The following CDH4 variants were observed in gnomAD, a reference collection of about 807,000 sequenced individuals.
The protein encoded by CDH4 is cadherin 4.
In CDH4, 33 loss-of-function variants were observed where a neutral mutation model predicts 86.0. The ratio of observed to expected loss-of-function variants is 0.38; its 90% CI spans 0.29 to 0.51. CDH4 has a LOEUF of 0.51. Among genes scored for constraint, CDH4 ranks in the 20% least tolerant of loss-of-function variants. The pLI, the probability that CDH4 is intolerant of heterozygous loss-of-function variation, is 0.86. For synonymous variants in CDH4, 555 were observed against 549.4 expected, an observed-to-expected ratio of 1.01 and a Z score of -0.14; for missense variants, 1,114 against 1,307.4, an observed-to-expected ratio of 0.85 and a Z score of 2.28.
intron 2 of CDH4, among the ~76,000 whole-genome samples, chr20:61,559,538 T>TTTTTTG (rs1382302946): frequency 7.0e-6 from 1 of 143,034 alleles, no homozygotes; most frequent in African/African-American, 2.7e-5. Context: ...TTTTTTTTTT[T>TTTTTTG]GACACAGAGT....
intron 8 of CDH4, among the ~76,000 whole-genome samples, chr20:61,899,078 C>T (rs1472380124): frequency 2.6e-5 from 4 of 152,040 alleles, no homozygotes; most frequent in East Asian, 3.9e-4. Flanking sequence ...GGGTGGATCA[C>T]GAGGTCCGGA....
At chr20:61,923,354 C>A in intron 9 of CDH4, 97 bp from the exon 10 acceptor site, 1 of 1,204,072 alleles carries the variant, frequency 8.3e-7, no homozygotes, top group Non-Finnish European at 1.2e-6. Flanking sequence ...GGACATGGCT[C>A]AGGGAGGGGT....
At chr20:61,331,700 G>GGC (rs1568801296) in intron 2 of CDH4, among the ~76,000 whole-genome samples, 193 of 16,256 alleles carry the variant, frequency 0.012, no homozygotes, top group Middle Eastern at 0.033. Flanking sequence ...CTGCCCCAGA[G>GGC]CCACCTCCTG....
Position 61,514,274 on chromosome 20 carries a change from A to G in CDH4, c.170-229289A>G, listed in dbSNP as rs903634845. On this transcript the variant is annotated intron_variant, in intron 2 of 15. Coordinates refer to ENST00000614565, the MANE Select transcript of CDH4 (RefSeq NM_001794.5). ...ACCCCTCAGGAAGAATTTTGGAACA[A>G]AAAATGGGGGTCAGGGTTCAGGCCT... 5.3e-5 allele frequency among the ~76,000 whole-genome samples: 8 copies of G among 152,164 alleles called. No individual in the cohort carries two copies. The East Asian group carries it at 1.2e-3, about 22-fold the overall frequency.
intron 4 of CDH4, among the ~76,000 whole-genome samples, chr20:61,831,817 A>G (rs535547398): frequency 6.6e-5 from 10 of 152,332 alleles, no homozygotes; most frequent in South Asian, 4.1e-4. Context: ...GGTGTGCACA[A>G]TTCTGAATCC....
At chr20:61,753,823 G>T (rs2088527010) in intron 3 of CDH4, among the ~76,000 whole-genome samples, 2 of 152,168 alleles carry the variant, frequency 1.3e-5, no homozygotes, top group Admixed American at 1.3e-4. Flanking sequence ...GACTTTCCTG[G>T]GTGTTTCTGT....
intron 2 of CDH4, among the ~76,000 whole-genome samples, chr20:61,451,129 C>CT (rs1555851643): frequency 0.01 from 1,506 of 149,760 alleles, 26 homozygotes; most frequent in African/African-American, 0.034. Flanking sequence ...CACGCCCCCC[C>CT]CCTTCCCTCC....
chr20:61,449,403 G>A (rs993815968), intron 2 of CDH4, among the ~76,000 whole-genome samples: 8 of 152,182 alleles, frequency 5.3e-5, no homozygotes, highest in African/African-American at 7.2e-5. Flanking sequence ...CACTCTTCCC[G>A]GCAGCTCCAC....
chr20:61,929,810 T>G lies in CDH4; in HGVS notation c.2207T>G (p.Val736Gly). 1.2e-6 allele frequency: 2 copies of G among 1,614,016 alleles called. No homozygotes were observed. Among genetic ancestry groups the G allele is most frequent in the East Asian group, 2.2e-5 (1 of 44,882 alleles). Residue 736 changes from valine to glycine, a missense_variant, in exon 13 of 16, where the codon GTG (valine) becomes GGG (glycine). By Grantham distance (109) the Val-to-Gly change is moderately radical. Around this residue, in one of 3 missense-constraint regions of CDH4, gnomAD observed 705 missense variants for 914.1 expected, o/e 0.77. Coordinates refer to ENST00000614565, the MANE Select transcript of CDH4 (RefSeq NM_001794.5). ...GCTGGTCTGGGCACCGGTGCCATCG[T>G]GGCCATCCTCATCTGCATCCTCATC... Reference protein sequence around the residue: ...AAAGLGTGAIVAILICILILL... With the variant: ...AAAGLGTGAIGAILICILILL...
chr20:61,418,448 T>C (rs938494794), intron 2 of CDH4, among the ~76,000 whole-genome samples: 24 of 152,102 alleles, frequency 1.6e-4, no homozygotes, highest in Non-Finnish European at 3.1e-4. Context: ...CCTGACCTCA[T>C]GATCTGCCCG....
intron 4 of CDH4, among the ~76,000 whole-genome samples, chr20:61,808,296 A>C (rs566419883): frequency 6.7e-4 from 102 of 152,098 alleles, no homozygotes; most frequent in Non-Finnish European, 1.1e-3. Flanking sequence ...AAGGGATACA[A>C]TCTGTTTTCT....
intron 2 of CDH4, among the ~76,000 whole-genome samples, chr20:61,695,719 G>A (rs1029544359): frequency 6.6e-6 from 1 of 152,188 alleles, no homozygotes; most frequent in African/African-American, 2.4e-5. Context: ...GAGGAGCTTC[G>A]ACTTGGAAAA....
chr20:61,798,030 C>A (rs142462589), intron 4 of CDH4, among the ~76,000 whole-genome samples: 145 of 152,334 alleles, frequency 9.5e-4, no homozygotes, highest in African/African-American at 3.3e-3. Flanking sequence ...CCGGGGTCAG[C>A]TCCAGCCTCA....
intron 2 of CDH4, among the ~76,000 whole-genome samples, chr20:61,692,600 C>G (rs1052518612): frequency 6.6e-6 from 1 of 152,132 alleles, no homozygotes; most frequent in African/African-American, 2.4e-5. Context: ...ATTAATTGGA[C>G]CAGGAAATTT....
intron 5 of CDH4, among the ~76,000 whole-genome samples, chr20:61,850,429 A>C (rs1050670680): frequency 2.0e-5 from 3 of 152,180 alleles, no homozygotes; most frequent in African/African-American, 4.8e-5. Flanking sequence ...GACTGTTCCC[A>C]GTTCCATACG....
At chr20:61,495,130 C>G (rs976500842) in intron 2 of CDH4, among the ~76,000 whole-genome samples, 1 of 152,180 alleles carries the variant, frequency 6.6e-6, no homozygotes. Flanking sequence ...CTGTAGGAGC[C>G]GATGCTATTT....
At chr20:61,818,080 A>G (rs1474028301) in intron 4 of CDH4, among the ~76,000 whole-genome samples, 1 of 151,176 alleles carries the variant, frequency 6.6e-6, no homozygotes, top group Non-Finnish European at 1.5e-5. Context: ...CCCAGGCTGG[A>G]GTGCAATGGT....
chr20:61,440,459 A>G (rs189802212), intron 2 of CDH4, among the ~76,000 whole-genome samples: 21 of 152,360 alleles, frequency 1.4e-4, no homozygotes, highest in African/African-American at 5.0e-4. Flanking sequence ...TTTCACCCTA[A>G]AAGTTAGCAT....
intron 2 of CDH4, among the ~76,000 whole-genome samples, chr20:61,515,326 G>T (rs2427153): frequency 6.6e-6 from 1 of 151,938 alleles, no homozygotes; most frequent in Admixed American, 6.5e-5. Flanking sequence ...CAGATTGTCA[G>T]AAAGGACGCC....
Sources: gnomAD v4.1 joint callset for allele counts (sites outside exome capture counted in the v4.1 genomes callset) on GRCh38, gnomAD v4.1.1 for gene constraint, gnomAD v4.1.1 regional missense constraint, MANE v1.5 for transcripts, NCBI Gene and HGNC (gene_info 2026-07-23, HGNC 2026-07-21) for gene names.